The following ZZZ3 variants were observed in gnomAD, a reference collection of about 807,000 sequenced individuals.
The protein encoded by ZZZ3 is ZZ-type zinc finger-containing protein 3.
A neutral mutation model predicts 95.2 loss-of-function variants in ZZZ3; 22 were observed. The observed-to-expected ratio is 0.23, with a 90% CI of 0.17 to 0.33. The LOEUF is 0.33. Among genes scored for constraint, ZZZ3 ranks in the 10% least tolerant of loss-of-function variants. The pLI, the probability that ZZZ3 is intolerant of heterozygous loss-of-function variation, is 1.00. For synonymous variants in ZZZ3, 335 were observed against 358.9 expected (o/e 0.93, Z 0.75); for missense variants, 885 against 1,066.5 (o/e 0.83, Z 2.37).
At chr1:77,639,964 T>C (rs1668623468) in intron 3 of ZZZ3, among the ~76,000 whole-genome samples, 1 of 151,810 alleles carries the variant, frequency 6.6e-6, no homozygotes. Flanking sequence ...ACAGAATTTA[T>C]AATATCATCT....
chr1:77,652,060 A>G (rs1438766041), intron 1 of ZZZ3, among the ~76,000 whole-genome samples: 1 of 152,070 alleles, frequency 6.6e-6, no homozygotes. Context: ...TTTACGTTAC[A>G]TATATTCTGC....
chr1:77,588,589 A>C (rs1663340237), intron 5 of ZZZ3, among the ~76,000 whole-genome samples: 1 of 152,202 alleles, frequency 6.6e-6, no homozygotes, highest in East Asian at 1.9e-4. Flanking sequence ...CCCAATCACC[A>C]TAGATGTTCA....
At chr1:77,601,910 C>A (rs1664769503) in intron 5 of ZZZ3, among the ~76,000 whole-genome samples, 1 of 152,178 alleles carries the variant, frequency 6.6e-6, no homozygotes, top group African/African-American at 2.4e-5. Flanking sequence ...AGGCTATATA[C>A]TCTCAGGAAG....
At chr1:77,590,712 G>A (rs959681252) in intron 5 of ZZZ3, among the ~76,000 whole-genome samples, 6 of 152,224 alleles carry the variant, frequency 3.9e-5, no homozygotes, top group Admixed American at 6.5e-5. Flanking sequence ...TATAGATTGT[G>A]CAGTATATAA....
At position 77,565,771 on chromosome 1, in the gene ZZZ3, C is replaced by A; in HGVS notation, c.2581G>T (p.Asp861Tyr). 1 of 1,612,886 alleles carries A rather than the reference C, an allele frequency of 6.2e-7. No individual in the cohort carries two copies. The highest frequency in any genetic ancestry group is 1.1e-5 in the South Asian group (1 of 90,900). ...DSCSDCLHETDIHKEDHQLEP... is the reference protein window; with the variant it reads ...DSCSDCLHETYIHKEDHQLEP... ...AATTGGTGATCTTCCTTGTGAATATCTGTTTCATGTAGACTGTAAAGAAAA... is the reference window on the plus strand; with the variant it reads ...AATTGGTGATCTTCCTTGTGAATATATGTTTCATGTAGACTGTAAAGAAAA... Residue 861 changes from aspartate to tyrosine, a missense_variant, in exon 15 of 15, where the codon GAT (aspartate) becomes TAT (tyrosine). Physicochemically the swap from Asp to Tyr is radical, Grantham distance 160. This residue lies in a region of ZZZ3 where 221 missense variants were observed against 247.8 expected (regional missense o/e 0.89). Transcript: ENST00000370801.
chr1:77,645,110 C>G (rs925791440), intron 1 of ZZZ3, among the ~76,000 whole-genome samples: 1 of 151,934 alleles, frequency 6.6e-6, no homozygotes, highest in Non-Finnish European at 1.5e-5. Flanking sequence ...TGGTGTGCAC[C>G]TGTTGTAGTC....
At chr1:77,606,698 C>A (rs1175157961) in intron 5 of ZZZ3, among the ~76,000 whole-genome samples, 2 of 152,168 alleles carry the variant, frequency 1.3e-5, no homozygotes, top group African/African-American at 4.8e-5. Flanking sequence ...GCCTGGTAAT[C>A]CAGAGAATTC....
At chr1:77,670,998 CTG>C (rs1570666561) in intron 1 of ZZZ3, among the ~76,000 whole-genome samples, 1 of 144,528 alleles carries the variant, frequency 6.9e-6, no homozygotes, top group African/African-American at 2.6e-5. Flanking sequence ...CACAGTAACA[CTG>C]TTTTTTTGGG....
intron 5 of ZZZ3, among the ~76,000 whole-genome samples, chr1:77,586,744 T>C (rs985737787): frequency 1.3e-5 from 2 of 152,018 alleles, no homozygotes; most frequent in East Asian, 1.9e-4. Context: ...TCTAAGAAAA[T>C]AGTAAATTCA....
At chr1:77,567,975 G>C (rs1253704368) in intron 13 of ZZZ3, among the ~76,000 whole-genome samples, 1 of 152,032 alleles carries the variant, frequency 6.6e-6, no homozygotes, top group Non-Finnish European at 1.5e-5. Flanking sequence ...AAATGAATGG[G>C]ATAAAAGATA....
chr1:77,591,555 G>T (rs1663699120), intron 5 of ZZZ3, among the ~76,000 whole-genome samples: 1 of 152,128 alleles, frequency 6.6e-6, no homozygotes, highest in Admixed American at 6.5e-5. Flanking sequence ...TGTGGCTCAG[G>T]TTGGTCTTGA....
At chr1:77,657,050 G>A (rs944243345) in intron 1 of ZZZ3, among the ~76,000 whole-genome samples, 2 of 152,008 alleles carry the variant, frequency 1.3e-5, no homozygotes, top group African/African-American at 4.8e-5. Context: ...GTATGATCTC[G>A]GCTCACTGAA....
At chr1:77,665,194 AG>A (rs1202107423) in intron 1 of ZZZ3, among the ~76,000 whole-genome samples, 3 of 152,370 alleles carry the variant, frequency 2.0e-5, no homozygotes, top group Non-Finnish European at 4.4e-5. Context: ...ACTTCAATTC[AG>A]AAGAAACCAA....
At chr1:77,647,640 G>GT (rs1462398778) in intron 1 of ZZZ3, among the ~76,000 whole-genome samples, 1 of 151,960 alleles carries the variant, frequency 6.6e-6, no homozygotes, top group East Asian at 1.9e-4. Flanking sequence ...ACCTTTGTTC[G>GT]TAATAAGTGA....
At position 77,593,677 on chromosome 1, in the gene ZZZ3, G is replaced by T. The variant is rs7529832; in HGVS notation, c.1506-9022C>A. On this transcript the variant is annotated intron_variant, in intron 5 of 14. Coordinates refer to ENST00000370801, the MANE Select transcript of ZZZ3 (RefSeq NM_015534.6). ...GTGATTAAACAACTATAGGCTATTTGATTTCATAATTACTCTATAACTGTG... is the reference window on the plus strand; with the variant it reads ...GTGATTAAACAACTATAGGCTATTTTATTTCATAATTACTCTATAACTGTG... Among the ~76,000 whole-genome samples the T allele has an allele frequency of 2.6e-3, 400 of 152,212 alleles. 2 individuals carry two copies. The highest frequency in any genetic ancestry group is 8.6e-3 in the African/African-American group (357 of 41,538).
intron 12 of ZZZ3, 123 bp downstream of exon 12, chr1:77,575,945 A>G (rs1661892014): frequency 1.3e-6 from 1 of 762,566 alleles, no homozygotes; most frequent in Non-Finnish European, 1.9e-6. Flanking sequence ...ACATTACTTA[A>G]AAACTATACA....
chr1:77,572,775 T>C (rs1053480986), intron 12 of ZZZ3, among the ~76,000 whole-genome samples: 52 of 152,212 alleles, frequency 3.4e-4, no homozygotes, highest in African/African-American at 1.3e-3. Context: ...TAGATGGGAC[T>C]TCAGGAATGC....
intron 5 of ZZZ3, among the ~76,000 whole-genome samples, chr1:77,594,701 A>C (rs1046644299): frequency 1.3e-5 from 2 of 151,980 alleles, no homozygotes; most frequent in African/African-American, 4.8e-5. Flanking sequence ...TTAACACTTA[A>C]ATGAACACAT....
At position 77,641,366 on chromosome 1, in the gene ZZZ3, C is replaced by T. The variant is rs1322880561; in HGVS notation, c.-206+18G>A. 1.0e-5 allele frequency: 4 copies of T among 390,384 alleles called. No homozygotes were observed. The highest frequency in any genetic ancestry group is 1.8e-5 in the Non-Finnish European group (4 of 221,338). The allele number at this position is 390,384 out of a possible 1,614,324, so 24.2% of individuals were successfully genotyped here. On this transcript the variant is annotated intron_variant, in intron 3 of 14. Coordinates refer to ENST00000370801, the MANE Select transcript of ZZZ3 (RefSeq NM_015534.6). The stretch of plus-strand genomic sequence containing the variant: ...CAAGAACATCTGCAACTGTTATTTT[C>T]ACAGAACTGATACTTACAGCTGAGC...
Sources: gnomAD v4.1 joint callset for allele counts (sites outside exome capture counted in the v4.1 genomes callset) on GRCh38, gnomAD v4.1.1 for gene constraint, gnomAD v4.1.1 regional missense constraint, MANE v1.5 for transcripts, NCBI Gene and HGNC (gene_info 2026-07-23, HGNC 2026-07-21) for gene names.